Variants in MBOAT2 observed in about 807,000 individuals in gnomAD.
The protein encoded by MBOAT2 is membrane-bound glycerophospholipid O-acyltransferase 2.
MBOAT2 carries 28 observed loss-of-function variants against 63.4 expected under a neutral mutation model. The observed-to-expected ratio is 0.44, with a 90% CI of 0.33 to 0.61. The LOEUF is 0.61. Ranked by LOEUF, MBOAT2 falls within the 20% of genes least tolerant of loss-of-function variation. The probability of loss-of-function intolerance (pLI) is 0.03; values close to 1 mark genes in which losing one functional copy is unlikely to be tolerated. For missense variants in MBOAT2, 470 were observed against 605.8 expected, an observed-to-expected ratio of 0.78 and a Z score of 2.35; for synonymous variants, 211 against 215.6, an observed-to-expected ratio of 0.98 and a Z score of 0.19.
chr2:8,939,621 C>T (rs1320948650), intron 3 of MBOAT2, among the ~76,000 whole-genome samples: 1 of 152,192 alleles, frequency 6.6e-6, no homozygotes, highest in East Asian at 1.9e-4. Flanking sequence ...CCACACCACA[C>T]AGGTCCTAGG....
chr2:8,887,670 C>A (rs948230150), intron 5 of MBOAT2, among the ~76,000 whole-genome samples: 1 of 152,196 alleles, frequency 6.6e-6, no homozygotes, highest in Non-Finnish European at 1.5e-5. Flanking sequence ...GGGGAAGGCA[C>A]ATAAATTATA....
Position 8,938,164 on chromosome 2 carries a change from G to A in MBOAT2, c.299+5023C>T, listed in dbSNP as rs1017056073. Among the ~76,000 whole-genome samples, 5 of 152,262 alleles carry A rather than the reference G, an allele frequency of 3.3e-5. No homozygotes were observed. The South Asian group carries it at 6.2e-4, about 19-fold the overall frequency. On this transcript the variant is annotated intron_variant, in intron 3 of 12. Transcript: ENST00000305997. The stretch of plus-strand genomic sequence containing the variant: ...TTTAAATTGCATATACTAAATAAAT[G>A]CTAGATAAAAGAGAAATTTGGCACT...
chr2:8,976,541 G>A lies in MBOAT2; in HGVS notation c.76-17899C>T, dbSNP rs535242875. On this transcript the variant is annotated intron_variant, in intron 1 of 12. Transcript: ENST00000305997. ...CCAAAGCATCACACAGAACACAGACGCACAGAAAGGATGGGCCTGCTTCCT... is the reference window on the plus strand; with the variant it reads ...CCAAAGCATCACACAGAACACAGACACACAGAAAGGATGGGCCTGCTTCCT... 5.3e-5 allele frequency among the ~76,000 whole-genome samples: 8 copies of A among 152,182 alleles called. No homozygotes were observed. The East Asian group carries it at 1.4e-3, about 26-fold the overall frequency.
intron 7 of MBOAT2, among the ~76,000 whole-genome samples, chr2:8,875,095 AGGAGAGAACAGT>A (rs1251135221): frequency 1.3e-5 from 2 of 152,146 alleles, no homozygotes; most frequent in Non-Finnish European, 2.9e-5. Context: ...ATGCAGATAG[AGGAGAGAACAGT>A]GGAGAGGTCC....
Position 8,904,071 on chromosome 2 carries a change from G to C in MBOAT2, c.395+4550C>G, listed in dbSNP as rs150181090. Among the ~76,000 whole-genome samples, 902 of 152,016 alleles carry C rather than the reference G, an allele frequency of 5.9e-3. 16 individuals are homozygous for C. Among genetic ancestry groups the C allele is most frequent in the African/African-American group, 0.021 (866 of 41,466 alleles). ...AGCTCACTGCAACCTCCACCTCCTGGGTTCCAGTGATTCTCGTGCCTCAGC... is the reference window on the plus strand; with the variant it reads ...AGCTCACTGCAACCTCCACCTCCTGCGTTCCAGTGATTCTCGTGCCTCAGC... On this transcript the variant is annotated intron_variant, in intron 4 of 12. Transcript: ENST00000305997.
rs548359288 is a variant in MBOAT2, at chr2:8,902,245, A to G, written c.395+6376T>C. On this transcript the variant is annotated intron_variant, in intron 4 of 12. Coordinates refer to ENST00000305997, the MANE Select transcript of MBOAT2 (RefSeq NM_138799.4). ...ACTGGCCAACAGGTGCCCAGTATTTAGCCCCCAAATTCTAAGGAAAAATAG... is the reference window on the plus strand; with the variant it reads ...ACTGGCCAACAGGTGCCCAGTATTTGGCCCCCAAATTCTAAGGAAAAATAG... Among the ~76,000 whole-genome samples, 10 of 152,302 alleles carry G rather than the reference A, an allele frequency of 6.6e-5. No individual in the cohort carries two copies. The South Asian group carries it at 2.1e-3, about 32-fold the overall frequency.
chr2:8,913,374 G>A (rs941545516), intron 3 of MBOAT2, among the ~76,000 whole-genome samples: 1 of 151,784 alleles, frequency 6.6e-6, no homozygotes, highest in Non-Finnish European at 1.5e-5. Context: ...ATGGCAAAAG[G>A]AACAGTCAGC....
At chr2:8,993,636 C>T (rs533707999) in intron 1 of MBOAT2, among the ~76,000 whole-genome samples, 1 of 152,126 alleles carries the variant, frequency 6.6e-6, no homozygotes, top group Non-Finnish European at 1.5e-5. Flanking sequence ...CCCACTAGAC[C>T]GCATCCCTCA....
intron 4 of MBOAT2, among the ~76,000 whole-genome samples, chr2:8,888,623 A>C (rs1663740177): frequency 6.6e-6 from 1 of 152,218 alleles, no homozygotes; most frequent in Admixed American, 6.5e-5. Context: ...CATATCTTAT[A>C]ATTACTATAA....
chr2:8,929,257 G>T (rs940507935), intron 3 of MBOAT2, among the ~76,000 whole-genome samples: 2 of 152,162 alleles, frequency 1.3e-5, no homozygotes, highest in Admixed American at 6.5e-5. Context: ...ACTAATTAAA[G>T]TATGTTCTGT....
rs142168085 is a variant in MBOAT2 at position 8,862,867 on chromosome 2, A to G, written c.1053-145T>C. The G allele has an allele frequency of 7.5e-5, 76 of 1,017,060 alleles. No homozygotes were observed. In the African/African-American group the frequency reaches 1.1e-3, roughly 14 times the overall value. The allele number at this position is 1,017,060 out of a possible 1,614,324, so 63.0% of individuals were successfully genotyped here. A position where few individuals can be genotyped will look rare whatever the true frequency, so the allele number is the denominator to read the frequency against. ...ACTTATCTTAGGCAATCACTTCTCT[A>G]TGATCTCAGGGAGGCTATAGCTATT... On this transcript the variant is annotated intron_variant, in intron 10 of 12. Coordinates refer to ENST00000305997, the MANE Select transcript of MBOAT2 (RefSeq NM_138799.4). The surrounding 1 kb of genome is among the most constrained non-coding windows in gnomAD (Gnocchi z 4.3).
At chr2:8,874,017 A>T (rs543202648) in intron 7 of MBOAT2, among the ~76,000 whole-genome samples, 2 of 152,376 alleles carry the variant, frequency 1.3e-5, no homozygotes, top group East Asian at 3.9e-4. Flanking sequence ...GAAGAAAAAG[A>T]AACAAGCGAA....
Position 8,862,171 on chromosome 2 carries a change from T to C in MBOAT2, c.1185+419A>G. The C allele has an allele frequency of 2.0e-6, 1 of 508,016 alleles. No homozygotes were observed. Among genetic ancestry groups the C allele is most frequent in the Non-Finnish European group, 3.1e-6 (1 of 326,372 alleles). 31.5% of individuals were successfully genotyped at this position (508,016 alleles called of 1,614,324 possible). ...TCTAAAGAACTGTGTCCTCTTCCAG[T>C]GTGGCTCATCCACTGTCTTGGCCTC... On this transcript the variant is annotated intron_variant, in intron 11 of 12. Coordinates refer to ENST00000305997, the MANE Select transcript of MBOAT2 (RefSeq NM_138799.4). This position sits in a 1 kb window ranked among gnomAD's most constrained non-coding sequence, Gnocchi z 4.3.
chr2:8,992,803 G>C (rs960405574), intron 1 of MBOAT2, among the ~76,000 whole-genome samples: 2 of 152,246 alleles, frequency 1.3e-5, no homozygotes, highest in Admixed American at 1.3e-4. Context: ...CCAGAAGAAT[G>C]TGGTCCACGG....
chr2:8,912,387 GAAA>G (rs781696963), intron 3 of MBOAT2, among the ~76,000 whole-genome samples: 12 of 148,264 alleles, frequency 8.1e-5, no homozygotes, highest in Admixed American at 2.7e-4. Flanking sequence ...AAGAAAGAAA[GAAA>G]GAAAGAAAGA....
chr2:8,891,941 G>GT (rs1208578845), intron 4 of MBOAT2, among the ~76,000 whole-genome samples: 2 of 152,176 alleles, frequency 1.3e-5, no homozygotes, highest in East Asian at 3.8e-4. Context: ...TTCAACTGAT[G>GT]TAACAGTTTC....
rs74801530 is a variant in MBOAT2, at chr2:8,936,711, C to T, written c.299+6476G>A. Among the ~76,000 whole-genome samples, 760 of 149,526 alleles carry T rather than the reference C, an allele frequency of 5.1e-3. 5 individuals are homozygous for T. Among genetic ancestry groups the T allele is most frequent in the African/African-American group, 0.017 (688 of 40,580 alleles). On this transcript the variant is annotated intron_variant, in intron 3 of 12. Transcript: ENST00000305997. The stretch of plus-strand genomic sequence containing the variant: ...GCAGGAGAATTGCTTGAACCAGAAC[C>T]CGGGAGACAGAGGTTGCAGTGAGCC...
intron 9 of MBOAT2, 104 bp downstream of exon 9, chr2:8,868,342 T>TA (rs1558552797): frequency 2.2e-6 from 2 of 923,612 alleles, no homozygotes; most frequent in African/African-American, 1.7e-5. Context: ...GTGTTAATAT[T>TA]AAAAAACCTT....
chr2:8,928,927 C>T (rs1667121513), intron 3 of MBOAT2, among the ~76,000 whole-genome samples: 2 of 152,160 alleles, frequency 1.3e-5, no homozygotes, highest in African/African-American at 4.8e-5. Flanking sequence ...TCTCAGAGAT[C>T]TCTGGATCAG....
Sources: allele counts gnomAD v4.1 joint callset (sites outside exome capture counted in the v4.1 genomes callset), GRCh38; gene constraint gnomAD v4.1.1; non-coding constraint Gnocchi (gnomAD v3.1); transcripts MANE v1.5; gene names NCBI Gene and HGNC (gene_info 2026-07-23, HGNC 2026-07-21).